The following LZTS1 variants were observed in gnomAD, a reference collection of about 807,000 sequenced individuals.
The protein encoded by LZTS1 is leucine zipper putative tumor suppressor 1.
In LZTS1, 31 loss-of-function variants were observed where a neutral mutation model predicts 45.8. The ratio of observed to expected loss-of-function variants is 0.68; its 90% CI spans 0.51 to 0.91. The LOEUF (loss-of-function observed/expected upper bound fraction) is 0.91. Among genes scored for constraint, LZTS1 ranks in the 40% least tolerant of loss-of-function variants. The probability of loss-of-function intolerance (pLI) is 0.00; values close to 1 mark genes in which losing one functional copy is unlikely to be tolerated. For synonymous variants in LZTS1, 359 were observed against 357.3 expected (o/e 1.00, Z -0.05); for missense variants, 821 against 788.9 (o/e 1.04, Z -0.49).
chr8:20,257,638 G>A (rs146010911), intron 1 of LZTS1, among the ~76,000 whole-genome samples: 1 of 149,724 alleles, frequency 6.7e-6, no homozygotes, highest in East Asian at 2.0e-4. Context: ...AACCTTCAGT[G>A]TTACAAACTA....
At chr8:20,279,672 A>C (rs1348982494) in intron 1 of LZTS1, among the ~76,000 whole-genome samples, 24 of 98,596 alleles carry the variant, frequency 2.4e-4, no homozygotes, top group Non-Finnish European at 3.9e-4. Context: ...ATGGAGCAAG[A>C]CCCTGTCTCA....
intron 1 of LZTS1, among the ~76,000 whole-genome samples, chr8:20,288,226 T>C (rs1186831374): frequency 6.6e-6 from 1 of 152,128 alleles, no homozygotes; most frequent in Non-Finnish European, 1.5e-5. Context: ...GATTCTGAAA[T>C]CACCGCCTCG....
rs537351640 is a variant in LZTS1, at chr8:20,251,445, TG to T, written c.1150-1083del. On this transcript the variant is annotated intron_variant, in intron 3 of 3. Coordinates refer to ENST00000381569, the MANE Select transcript of LZTS1 (RefSeq NM_021020.5). Reference sequence around the variant, plus strand: ...GAAATTTCTACTGTGAAAGGAAATGTGAAGGTGGCTTCCAGGCTAGTTCCAA... The same window carrying T: ...GAAATTTCTACTGTGAAAGGAAATGTAAGGTGGCTTCCAGGCTAGTTCCAA... Among the ~76,000 whole-genome samples, 368 of 152,198 alleles carry T rather than the reference TG, an allele frequency of 2.4e-3. 3 individuals are homozygous for T. Among genetic ancestry groups the T allele is most frequent in the African/African-American group, 8.4e-3 (350 of 41,530 alleles).
rs373668156 is a variant in LZTS1, at chr8:20,250,175, C to G, written c.1338G>C (p.Glu446Asp). ...GCAGCTCATTCTCACAGACCTCCAG[C>G]TCCAGGCCCTTGGTGCGCAGGGCGC... is the stretch of plus-strand genomic sequence containing the variant. ...LEGALRTKGL[E>D]LEVCENELQR... The change falls in exon 4 of 4, where the codon GAG becomes GAC. Residue 446 changes from glutamate (E) to aspartate (D), a missense_variant. Transcript: ENST00000381569. The G allele has an allele frequency of 6.2e-7, 1 of 1,611,076 alleles. No individual in the cohort carries two copies.
At chr8:20,262,573 G>A (rs1035628103) in intron 1 of LZTS1, among the ~76,000 whole-genome samples, 1 of 150,828 alleles carries the variant, frequency 6.6e-6, no homozygotes, top group Admixed American at 6.6e-5. Context: ...AAGTGGTTTT[G>A]TAAAATGATG....
chr8:20,295,292 G>C (rs989209820), intron 1 of LZTS1, among the ~76,000 whole-genome samples: 2 of 152,198 alleles, frequency 1.3e-5, no homozygotes, highest in African/African-American at 4.8e-5. Context: ...AAGGACCACA[G>C]GTCTCTTAAG....
chr8:20,291,816 C>A (rs1800905103), intron 1 of LZTS1, among the ~76,000 whole-genome samples: 1 of 151,186 alleles, frequency 6.6e-6, no homozygotes, highest in African/African-American at 2.4e-5. Flanking sequence ...GATCTGAACA[C>A]TGATCTATCT....
intron 1 of LZTS1, among the ~76,000 whole-genome samples, chr8:20,277,442 A>G (rs1337525143): frequency 6.6e-6 from 1 of 152,194 alleles, no homozygotes; most frequent in Non-Finnish European, 1.5e-5. Flanking sequence ...CCTATGGAGT[A>G]GCCATTCTTT....
chr8:20,269,106 C>T (rs78620898), intron 1 of LZTS1, among the ~76,000 whole-genome samples: 3,614 of 152,234 alleles, frequency 0.024, 82 homozygotes, highest in Non-Finnish European at 0.032. Context: ...AAAATAAAGC[C>T]ACAGTTACAT....
intron 1 of LZTS1, among the ~76,000 whole-genome samples, chr8:20,264,611 AGGTGT>A (rs1009733226): frequency 2.6e-5 from 4 of 152,154 alleles, no homozygotes; most frequent in African/African-American, 9.7e-5. Flanking sequence ...CCCTGTGACC[AGGTGT>A]GGTGAAGGAG....
intron 1 of LZTS1, among the ~76,000 whole-genome samples, chr8:20,280,599 C>A (rs1342758811): frequency 6.6e-6 from 1 of 152,206 alleles, no homozygotes; most frequent in African/African-American, 2.4e-5. Context: ...GTGGAACTGC[C>A]TTCCCCTTTA....
At chr8:20,268,828 A>C (rs931374744) in intron 1 of LZTS1, among the ~76,000 whole-genome samples, 3 of 152,074 alleles carry the variant, frequency 2.0e-5, no homozygotes, top group Admixed American at 6.6e-5. Context: ...CTTGGATTCC[A>C]TGGAAAGGCA....
chr8:20,296,721 G>A (rs181476932), intron 1 of LZTS1, among the ~76,000 whole-genome samples: 22 of 151,828 alleles, frequency 1.4e-4, no homozygotes, highest in East Asian at 3.9e-4. Flanking sequence ...GTATGTGTGC[G>A]TGTGTGCATG....
At chr8:20,287,385 T>C (rs1017097320) in intron 1 of LZTS1, among the ~76,000 whole-genome samples, 6 of 152,250 alleles carry the variant, frequency 3.9e-5, no homozygotes, top group African/African-American at 9.6e-5. Flanking sequence ...ACACTGCTGC[T>C]CAGCAGATGC....
chr8:20,302,085 T>C (rs1801089428), intron 1 of LZTS1, among the ~76,000 whole-genome samples: 1 of 152,056 alleles, frequency 6.6e-6, no homozygotes, highest in Non-Finnish European at 1.5e-5. Context: ...TCCATCCTAT[T>C]AGCTGTGGGA....
intron 1 of LZTS1, among the ~76,000 whole-genome samples, chr8:20,302,563 G>C (rs1232791263): frequency 6.6e-6 from 1 of 152,068 alleles, no homozygotes; most frequent in East Asian, 1.9e-4. Context: ...TTTGTGGCTG[G>C]GCTCCTGGGC....
intron 3 of LZTS1, 46 bp downstream of exon 3, chr8:20,252,736 G>A (rs756430478): frequency 3.4e-6 from 5 of 1,465,548 alleles, no homozygotes; most frequent in African/African-American, 2.8e-5. Context: ...GGGTACTGGC[G>A]CCAAACCGCT....
chr8:20,294,793 G>A (rs1206714965), intron 1 of LZTS1, among the ~76,000 whole-genome samples: 1 of 145,642 alleles, frequency 6.9e-6, no homozygotes, highest in Non-Finnish European at 1.5e-5. Flanking sequence ...ACCTCTGCTG[G>A]GGATGACCAT....
At position 20,250,062 on chromosome 8, in the gene LZTS1, A is replaced by AGGGCGGCCT. The variant is rs766503235; in HGVS notation, c.1442_1450dup (p.Gln481_Ala483dup). 2 of 1,607,634 alleles carry AGGGCGGCCT rather than the reference A, an allele frequency of 1.2e-6. No homozygotes were observed. The highest frequency in any genetic ancestry group is 3.3e-5 in the Admixed American group (2 of 59,910). The stretch of plus-strand genomic sequence containing the variant: ...GGTGGGCGGCCCCATGTCGCGGGCC[A>AGGGCGGCCT]GGGCGGCCTGGGCCCGCAGCTCCTG... On this transcript the variant is annotated inframe_insertion, in exon 4 of 4. Coordinates refer to ENST00000381569, the MANE Select transcript of LZTS1 (RefSeq NM_021020.5).
Sources: allele counts gnomAD v4.1 joint callset (sites outside exome capture counted in the v4.1 genomes callset), GRCh38; gene constraint gnomAD v4.1.1; transcripts MANE v1.5; gene names NCBI Gene and HGNC (gene_info 2026-07-23, HGNC 2026-07-21).